The following TASP1 variants were observed in gnomAD, a reference collection of about 807,000 sequenced individuals.
TASP1 encodes the protein threonine aspartase 1.
A neutral mutation model predicts 56.6 loss-of-function variants in TASP1; 16 were observed. The ratio of observed to expected loss-of-function variants is 0.28; its 90% CI spans 0.19 to 0.43. TASP1 has a LOEUF of 0.43. Ranked by LOEUF, TASP1 falls within the 20% of genes least tolerant of loss-of-function variation. The probability of loss-of-function intolerance (pLI) is 1.00; values close to 1 mark genes in which losing one functional copy is unlikely to be tolerated. For missense variants in TASP1, 393 were observed against 511.6 expected (o/e 0.77, Z 2.24); for synonymous variants, 179 against 184.2 (o/e 0.97, Z 0.23).
At chr20:13,300,622 G>A in the TASP1 span, 1 of 152,180 alleles carries the variant, frequency 6.6e-6, no homozygotes, top group Non-Finnish European at 1.5e-5. Flanking sequence ...TAGTAAAAGA[G>A]AGTATATAAT....
intron 10 of TASP1, among the ~76,000 whole-genome samples, chr20:13,515,257 TC>T (rs1414259664): frequency 6.6e-6 from 1 of 152,106 alleles, no homozygotes; most frequent in Non-Finnish European, 1.5e-5. Flanking sequence ...GTTAAACTAT[TC>T]ATTAATGCTC....
intron 10 of TASP1, among the ~76,000 whole-genome samples, chr20:13,520,386 C>T (rs201240077): frequency 2.0e-5 from 3 of 152,138 alleles, no homozygotes; most frequent in African/African-American, 7.2e-5. Context: ...TATAAGACTA[C>T]AGTAACCAAA....
the TASP1 span, among the ~76,000 whole-genome samples, chr20:13,363,579 G>A: frequency 3.9e-5 from 6 of 152,120 alleles, no homozygotes; most frequent in Non-Finnish European, 8.8e-5. Context: ...AATGTTTTCT[G>A]GCCAATTGGT....
the TASP1 span, among the ~76,000 whole-genome samples, chr20:13,173,071 C>G: frequency 1.3e-5 from 2 of 152,136 alleles, no homozygotes; most frequent in Admixed American, 6.6e-5. Context: ...AGGTTTCAGC[C>G]TGGGGAAAAG....
At chr20:13,270,850 C>A in the TASP1 span, 1 of 1,008,746 alleles carries the variant, frequency 9.9e-7, no homozygotes. Flanking sequence ...TTCTTAACCC[C>A]TTAATGATTC....
chr20:13,356,391 G>A, the TASP1 span, among the ~76,000 whole-genome samples: 1 of 152,126 alleles, frequency 6.6e-6, no homozygotes, highest in Admixed American at 6.5e-5. Flanking sequence ...TCAGTTTTAG[G>A]GAACTGGGTT....
At chr20:13,199,559 G>T in the TASP1 span, among the ~76,000 whole-genome samples, 36 of 152,140 alleles carry the variant, frequency 2.4e-4, no homozygotes, top group African/African-American at 8.2e-4. Flanking sequence ...CAAGCCTCTT[G>T]AAGGAAAGGA....
chr20:13,336,330 A>C, the TASP1 span, among the ~76,000 whole-genome samples: 3 of 152,218 alleles, frequency 2.0e-5, no homozygotes, highest in Non-Finnish European at 4.4e-5. Context: ...ATAGCACAGT[A>C]GTGCATGCCC....
At chr20:13,622,415 C>CA (rs1192603746) in intron 4 of TASP1, among the ~76,000 whole-genome samples, 1 of 152,204 alleles carries the variant, frequency 6.6e-6, no homozygotes, top group Non-Finnish European at 1.5e-5. Context: ...CATATACTTT[C>CA]ACCTTCCTTG....
At chr20:13,257,598 C>A in the TASP1 span, among the ~76,000 whole-genome samples, 2 of 152,064 alleles carry the variant, frequency 1.3e-5, no homozygotes, top group African/African-American at 4.8e-5. Context: ...TTGTTTTTAT[C>A]ATCACTATAT....
chr20:13,278,264 G>A, the TASP1 span, among the ~76,000 whole-genome samples: 3 of 152,168 alleles, frequency 2.0e-5, no homozygotes, highest in African/African-American at 7.2e-5. Flanking sequence ...ACTTCAAAAT[G>A]AGACTTTCAT....
At chr20:13,172,393 TGTATAA>T in the TASP1 span, among the ~76,000 whole-genome samples, 1 of 152,162 alleles carries the variant, frequency 6.6e-6, no homozygotes, top group Non-Finnish European at 1.5e-5. Flanking sequence ...CTGTTAACAG[TGTATAA>T]GTTATCCATT....
the TASP1 span, chr20:13,154,269 G>T: frequency 1.7e-6 from 2 of 1,161,274 alleles, no homozygotes; most frequent in Non-Finnish European, 2.4e-6. Context: ...ACGGCTTCTC[G>T]GAAGCCACCT....
chr20:13,184,336 A>G, the TASP1 span, among the ~76,000 whole-genome samples: 4 of 152,340 alleles, frequency 2.6e-5, no homozygotes. Context: ...ATTTAATTGT[A>G]TTGTAATAGT....
Position 13,620,299 on chromosome 20 carries a change from CAT to C in TASP1, c.282+3145_282+3146del, listed in dbSNP as rs1327170583. Among the ~76,000 whole-genome samples, 44 of 150,738 alleles carry C rather than the reference CAT, an allele frequency of 2.9e-4. No individual in the cohort carries two copies. In the South Asian group the frequency reaches 8.0e-3, roughly 27 times the overall value. Reference sequence around the variant, plus strand: ...ACACACACACACACACACACACACACATACATATACACATATTTCTTTTGCCT... The same window carrying C: ...ACACACACACACACACACACACACACACATATACACATATTTCTTTTGCCT... On this transcript the variant is annotated intron_variant, in intron 4 of 13. Transcript: ENST00000337743.
the TASP1 span, among the ~76,000 whole-genome samples, chr20:13,217,657 T>C: frequency 6.6e-6 from 1 of 152,146 alleles, no homozygotes; most frequent in Non-Finnish European, 1.5e-5. Flanking sequence ...GTACAAGCAC[T>C]CCTAGGAAAG....
chr20:13,345,208 C>T, the TASP1 span, among the ~76,000 whole-genome samples: 1 of 152,188 alleles, frequency 6.6e-6, no homozygotes, highest in African/African-American at 2.4e-5. Flanking sequence ...TCTACCCTGA[C>T]CCAATTATTT....
At chr20:13,431,465 T>C (rs909992776) in intron 12 of TASP1, among the ~76,000 whole-genome samples, 13 of 152,206 alleles carry the variant, frequency 8.5e-5, no homozygotes, top group African/African-American at 1.9e-4. Context: ...ATTTATACTA[T>C]AATCTTGATG....
At chr20:13,446,416 A>C (rs1400204947) in intron 11 of TASP1, among the ~76,000 whole-genome samples, 1 of 152,148 alleles carries the variant, frequency 6.6e-6, no homozygotes, top group Non-Finnish European at 1.5e-5. Flanking sequence ...CCATGACAAA[A>C]AGTAAATTTT....
Sources: gnomAD v4.1 joint callset for allele counts (sites outside exome capture counted in the v4.1 genomes callset) on GRCh38, gnomAD v4.1.1 for gene constraint, MANE v1.5 for transcripts, NCBI Gene and HGNC (gene_info 2026-07-23, HGNC 2026-07-21) for gene names.